DPH6: variants seen among roughly 807,000 people sequenced by gnomAD.
The protein encoded by DPH6 is diphthamine biosynthesis 6.
Under a neutral mutation model 38.2 loss-of-function variants are expected in DPH6, and 33 were observed. That is an observed-to-expected ratio of 0.86 (90% CI 0.65 to 1.15). DPH6 has a LOEUF of 1.15. DPH6 is among the 50% of genes most tolerant of loss of function. The pLI is 0.00. For synonymous variants in DPH6, 108 were observed against 103.0 expected (o/e 1.05, Z -0.30); for missense variants, 325 against 320.0 (o/e 1.02, Z -0.12).
At chr15:35,466,319 G>A (rs891783815) in intron 3 of DPH6, among the ~76,000 whole-genome samples, 6 of 152,098 alleles carry the variant, frequency 3.9e-5, no homozygotes, top group African/African-American at 1.4e-4. Flanking sequence ...AAAGTATATG[G>A]TTCAATCCTT....
chr15:35,372,475 C>T (rs933143500), intron 8 of DPH6: 6 of 248,190 alleles, frequency 2.4e-5, no homozygotes, highest in East Asian at 7.4e-5. Flanking sequence ...TTTGTGTGTG[C>T]GTACATGGTA....
chr15:35,364,466 G>A (rs2052639885), intron 3 of DPH6, among the ~76,000 whole-genome samples: 1 of 151,992 alleles, frequency 6.6e-6, no homozygotes, highest in Non-Finnish European at 1.5e-5. Context: ...ACAGCAAAAT[G>A]AATAAACCAC....
the DPH6 span, among the ~76,000 whole-genome samples, chr15:35,163,998 C>G: frequency 6.6e-6 from 1 of 151,838 alleles, no homozygotes; most frequent in Non-Finnish European, 1.5e-5. Flanking sequence ...TAAACACTAA[C>G]ATTTTCAAAG....
intron 3 of DPH6, among the ~76,000 whole-genome samples, chr15:35,241,691 CCT>C (rs2051600751): frequency 7.0e-6 from 1 of 141,908 alleles, no homozygotes; most frequent in Non-Finnish European, 1.5e-5. Context: ...TCTACTCCCT[CCT>C]TGTCGACCGA....
chr15:35,385,983 C>T (rs921713972), intron 6 of DPH6, among the ~76,000 whole-genome samples: 2 of 151,952 alleles, frequency 1.3e-5, no homozygotes, highest in African/African-American at 2.4e-5. Context: ...TCTCCTAATG[C>T]TATCCCTCCC....
At chr15:35,399,161 A>G (rs2053185824) in intron 6 of DPH6, among the ~76,000 whole-genome samples, 1 of 152,146 alleles carries the variant, frequency 6.6e-6, no homozygotes, top group African/African-American at 2.4e-5. Context: ...TAGACTATGC[A>G]TGGGAGAAGA....
At chr15:35,320,969 A>G (rs2052235703) in intron 3 of DPH6, among the ~76,000 whole-genome samples, 1 of 152,174 alleles carries the variant, frequency 6.6e-6, no homozygotes, top group Admixed American at 6.5e-5. Flanking sequence ...CAGAAATGGA[A>G]AAGTCTGAAG....
intron 2 of DPH6, among the ~76,000 whole-genome samples, chr15:35,539,927 T>C (rs1365321991): frequency 2.0e-5 from 3 of 152,082 alleles, no homozygotes; most frequent in Admixed American, 6.6e-5. Context: ...TTTCCACTCC[T>C]GGTCCCAGTA....
At chr15:35,203,564 C>T in the DPH6 span, among the ~76,000 whole-genome samples, 5 of 151,612 alleles carry the variant, frequency 3.3e-5, no homozygotes, top group Non-Finnish European at 1.5e-5. Flanking sequence ...ATTTTAATAA[C>T]TCAAATTATT....
chr15:35,185,877 C>T, the DPH6 span, among the ~76,000 whole-genome samples: 4 of 151,256 alleles, frequency 2.6e-5, no homozygotes, highest in Non-Finnish European at 4.4e-5. Flanking sequence ...GGACTACGGG[C>T]GCCCGCCACC....
At chr15:35,178,109 A>G in the DPH6 span, among the ~76,000 whole-genome samples, 1 of 152,238 alleles carries the variant, frequency 6.6e-6, no homozygotes, top group African/African-American at 2.4e-5. Flanking sequence ...AAGTTTTAAA[A>G]TAATATTTTT....
At chr15:35,399,674 C>T (rs1323523859) in intron 6 of DPH6, among the ~76,000 whole-genome samples, 1 of 152,154 alleles carries the variant, frequency 6.6e-6, no homozygotes, top group South Asian at 2.1e-4. Context: ...TACATTTAGT[C>T]AGGAATCAGA....
At chr15:35,307,539 GGGTT>G (rs2052102156) in intron 3 of DPH6, among the ~76,000 whole-genome samples, 1 of 151,834 alleles carries the variant, frequency 6.6e-6, no homozygotes, top group African/African-American at 2.4e-5. Flanking sequence ...GGATATCGTT[GGGTT>G]AACTAACAAA....
At chr15:35,445,909 G>A (rs2053846204) in intron 5 of DPH6, among the ~76,000 whole-genome samples, 1 of 152,190 alleles carries the variant, frequency 6.6e-6, no homozygotes, top group African/African-American at 2.4e-5. Context: ...TCTGTCTCCA[G>A]TAAATTGTGT....
chr15:35,226,172 G>T (rs1448846820), intron 3 of DPH6, among the ~76,000 whole-genome samples: 1 of 151,964 alleles, frequency 6.6e-6, no homozygotes, highest in Non-Finnish European at 1.5e-5. Flanking sequence ...AGAAATAACA[G>T]AACCATCAGG....
chr15:35,263,068 G>A (rs943557860), intron 3 of DPH6, among the ~76,000 whole-genome samples: 4 of 152,080 alleles, frequency 2.6e-5, no homozygotes, highest in East Asian at 1.9e-4. Flanking sequence ...AAAAAAATAC[G>A]TGAAAAGTTT....
chr15:35,177,600 A>AAC, the DPH6 span, among the ~76,000 whole-genome samples: 4 of 134,412 alleles, frequency 3.0e-5, no homozygotes, highest in African/African-American at 1.1e-4. Context: ...AAAAAAAAAA[A>AAC]ATCATCATCA....
intron 3 of DPH6, among the ~76,000 whole-genome samples, chr15:35,259,365 A>G (rs1404658987): frequency 6.6e-6 from 1 of 152,208 alleles, no homozygotes; most frequent in Non-Finnish European, 1.5e-5. Context: ...AAGTATGACT[A>G]TGCATGTACA....
intron 3 of DPH6, among the ~76,000 whole-genome samples, chr15:35,513,397 T>C (rs750583542): frequency 2.0e-4 from 30 of 151,930 alleles, no homozygotes; most frequent in Non-Finnish European, 3.8e-4. Context: ...TGTGCACCTA[T>C]AAGAGAAGTA....
Sources: gnomAD v4.1 joint callset for allele counts (sites outside exome capture counted in the v4.1 genomes callset) on GRCh38, gnomAD v4.1.1 for gene constraint, MANE v1.5 for transcripts, NCBI Gene and HGNC (gene_info 2026-07-23, HGNC 2026-07-21) for gene names.